The following ERC2 variants were observed in gnomAD, a reference collection of about 807,000 sequenced individuals.
ERC2 encodes ELKS/RAB6-interacting/CAST family member 2.
Under a neutral mutation model 114.8 loss-of-function variants are expected in ERC2, and 42 were observed. The observed-to-expected ratio is 0.37, with a 90% confidence interval of 0.29 to 0.47. ERC2 has a LOEUF of 0.47. ERC2 is among the 20% of genes least tolerant of loss of function. ERC2 has a pLI of 0.99. For synonymous variants in ERC2, 454 were observed against 425.5 expected (o/e 1.07, Z -0.82); for missense variants, 939 against 1,150.7 (o/e 0.82, Z 2.66).
intron 3 of ERC2, among the ~76,000 whole-genome samples, chr3:56,211,792 A>G (rs1270293291): frequency 6.6e-6 from 1 of 152,198 alleles, no homozygotes; most frequent in Non-Finnish European, 1.5e-5. Flanking sequence ...CCCAGAAATT[A>G]AGCCAAATAC....
At chr3:56,044,540 A>T (rs894991243) in intron 7 of ERC2, among the ~76,000 whole-genome samples, 2 of 152,172 alleles carry the variant, frequency 1.3e-5, no homozygotes, top group Non-Finnish European at 2.9e-5. Context: ...GATTAAAAGT[A>T]TGTATTCATT....
intron 17 of ERC2, among the ~76,000 whole-genome samples, chr3:55,650,211 T>C (rs767398382): frequency 1.4e-4 from 21 of 152,232 alleles, no homozygotes; most frequent in Non-Finnish European, 2.6e-4. Flanking sequence ...GTGATTGTCA[T>C]GCTTCTCTGC....
At chr3:56,364,110 T>G (rs2150567448) in intron 2 of ERC2, among the ~76,000 whole-genome samples, 1 of 152,320 alleles carries the variant, frequency 6.6e-6, no homozygotes, top group East Asian at 1.9e-4. Context: ...AACATGTACA[T>G]TCACACTAAG....
At chr3:56,304,843 A>G (rs1192526860) in intron 2 of ERC2, among the ~76,000 whole-genome samples, 2 of 152,182 alleles carry the variant, frequency 1.3e-5, no homozygotes, top group Non-Finnish European at 2.9e-5. Flanking sequence ...TCTTTAACTT[A>G]TAGAGTATAT....
chr3:56,263,494 A>T (rs2150269704), intron 3 of ERC2, among the ~76,000 whole-genome samples: 1 of 152,306 alleles, frequency 6.6e-6, no homozygotes, highest in Non-Finnish European at 1.5e-5. Flanking sequence ...TAGCTCCAGC[A>T]GCCCCCCGCA....
intron 3 of ERC2, among the ~76,000 whole-genome samples, chr3:56,203,277 C>G (rs189173947): frequency 2.0e-5 from 3 of 152,322 alleles, no homozygotes; most frequent in Admixed American, 1.3e-4. Flanking sequence ...AGTGGCCTGA[C>G]AGCCTCTGAC....
intron 16 of ERC2, among the ~76,000 whole-genome samples, chr3:55,696,237 A>G (rs2062921828): frequency 6.6e-6 from 1 of 152,234 alleles, no homozygotes; most frequent in South Asian, 2.1e-4. Flanking sequence ...AAAAGTAACA[A>G]GGCAAATGAT....
chr3:55,581,057 T>C (rs1342198747), intron 17 of ERC2, among the ~76,000 whole-genome samples: 1 of 152,008 alleles, frequency 6.6e-6, no homozygotes, highest in Admixed American at 6.5e-5. Flanking sequence ...AGGCAGGAGG[T>C]GCCTGGCCTG....
chr3:55,686,116 A>G (rs1008630330), intron 16 of ERC2, among the ~76,000 whole-genome samples: 3 of 152,212 alleles, frequency 2.0e-5, no homozygotes, highest in Non-Finnish European at 4.4e-5. Flanking sequence ...CACGCTGCCA[A>G]TATCACTACT....
chr3:56,172,096 C>A (rs2082709799), intron 4 of ERC2, among the ~76,000 whole-genome samples: 1 of 149,156 alleles, frequency 6.7e-6, no homozygotes, highest in African/African-American at 2.5e-5. Context: ...TGAGGATAAA[C>A]TCTGAATTAT....
chr3:55,521,841 G>C (rs925713137), intron 17 of ERC2, among the ~76,000 whole-genome samples: 3 of 152,224 alleles, frequency 2.0e-5, no homozygotes, highest in African/African-American at 7.2e-5. Context: ...TCCTTTGGCT[G>C]TTGACACACG....
intron 17 of ERC2, among the ~76,000 whole-genome samples, chr3:55,516,130 A>AT (rs541026364): frequency 2.0e-5 from 3 of 152,296 alleles, no homozygotes; most frequent in African/African-American, 7.2e-5. Flanking sequence ...TGATAGACTA[A>AT]TTAACAACGG....
Position 55,846,251 on chromosome 3 carries a change from G to C in ERC2, c.2564+42138C>G, listed in dbSNP as rs180725373. On this transcript the variant is annotated intron_variant, in intron 14 of 17. Coordinates refer to ENST00000288221, the MANE Select transcript of ERC2 (RefSeq NM_015576.3). ...TTATAAATGAGAACATATGGTATTT[G>C]GTTTTCTCTTCCTGCCTTAGTTTGC... is the stretch of plus-strand genomic sequence containing the variant. Among the ~76,000 whole-genome samples the C allele has an allele frequency of 5.1e-3, 782 of 152,246 alleles. 8 individuals carry two copies. Among genetic ancestry groups the C allele is most frequent in the African/African-American group, 0.018 (748 of 41,554 alleles).
chr3:55,699,525 A>G lies in ERC2; in HGVS notation c.2713-13T>C, dbSNP rs374379515. On this transcript the variant is annotated splice_polypyrimidine_tract_variant and intron_variant, in intron 15 of 17. Transcript: ENST00000288221. ...TTCTGTTCTGGGTCTGTGCAGAACA[A>G]AAACCAAGGAAGATTCCATCAGGAG... 6 of 1,587,622 alleles carry G rather than the reference A, an allele frequency of 3.8e-6. No homozygotes were observed. The African/African-American group carries it at 8.1e-5, about 21-fold the overall frequency.
chr3:55,729,014 A>G (rs1017863847), intron 15 of ERC2, among the ~76,000 whole-genome samples: 5 of 152,174 alleles, frequency 3.3e-5, no homozygotes, highest in African/African-American at 4.8e-5. Flanking sequence ...GGGGATGTGG[A>G]GAGTGAGCTC....
chr3:55,835,479 T>C (rs554904505), intron 14 of ERC2, among the ~76,000 whole-genome samples: 50 of 152,266 alleles, frequency 3.3e-4, no homozygotes, highest in African/African-American at 1.2e-3. Flanking sequence ...ATCCAGCATA[T>C]AAACAGAACC....
chr3:55,546,699 G>T (rs1485961210), intron 17 of ERC2, among the ~76,000 whole-genome samples: 1 of 152,194 alleles, frequency 6.6e-6, no homozygotes, highest in African/African-American at 2.4e-5. Flanking sequence ...ACTGAGGTTC[G>T]GTGAGGGTAG....
intron 6 of ERC2, among the ~76,000 whole-genome samples, chr3:56,097,590 G>T (rs980426157): frequency 6.6e-6 from 1 of 152,122 alleles, no homozygotes; most frequent in Admixed American, 6.5e-5. Flanking sequence ...TTTGTTCATA[G>T]TCCTACAATT....
At chr3:56,004,826 G>T (rs780048534) in intron 10 of ERC2, among the ~76,000 whole-genome samples, 2 of 151,900 alleles carry the variant, frequency 1.3e-5, no homozygotes, top group Admixed American at 6.6e-5. Context: ...TAATTCACAA[G>T]TCACGTACCC....
Sources: allele counts gnomAD v4.1 joint callset (sites outside exome capture counted in the v4.1 genomes callset), GRCh38; gene constraint gnomAD v4.1.1; transcripts MANE v1.5; gene names NCBI Gene and HGNC (gene_info 2026-07-23, HGNC 2026-07-21).